Variants in EYS observed in about 807,000 individuals in gnomAD.
EYS encodes EGF-like photoreceptor maintenance factor, also known as protein eyes shut homolog.
In EYS, 250 loss-of-function variants were observed where a neutral mutation model predicts 282.1. The observed-to-expected ratio is 0.89, with a 90% CI of 0.80 to 0.98. The LOEUF (loss-of-function observed/expected upper bound fraction) is 0.98. EYS is among the 50% of genes least tolerant of loss of function. The pLI is 0.00. For synonymous variants in EYS, 1,355 were observed against 1,282.9 expected (o/e 1.06, Z -1.20); for missense variants, 4,016 against 3,709.0 (o/e 1.08, Z -2.15).
intron 35 of EYS, among the ~76,000 whole-genome samples, chr6:63,951,853 G>A (rs769329899): frequency 7.1e-4 from 108 of 152,230 alleles, no homozygotes; most frequent in South Asian, 1.7e-3. Context: ...CCATTTCATG[G>A]CTTGTTTGGT....
intron 37 of EYS, among the ~76,000 whole-genome samples, chr6:63,790,695 T>C (rs1770488460): frequency 6.6e-6 from 1 of 152,140 alleles, no homozygotes. Context: ...AAAACAATAC[T>C]AGAGATTGGA....
At chr6:64,198,232 C>A (rs558027676) in intron 31 of EYS, among the ~76,000 whole-genome samples, 2 of 150,298 alleles carry the variant, frequency 1.3e-5, no homozygotes, top group South Asian at 4.2e-4. Context: ...TGGTCTAGAT[C>A]TCCTGACCTC....
chr6:64,458,651 A>T (rs1264220832), intron 26 of EYS, among the ~76,000 whole-genome samples: 1 of 151,716 alleles, frequency 6.6e-6, no homozygotes, highest in Non-Finnish European at 1.5e-5. Context: ...ATATCTTTCA[A>T]TAGTCTTATT....
chr6:63,731,216 C>G (rs2149635073), intron 41 of EYS, among the ~76,000 whole-genome samples: 1 of 152,228 alleles, frequency 6.6e-6, no homozygotes, highest in Admixed American at 6.5e-5. Flanking sequence ...CTCAAGCACA[C>G]TTGAGATTAT....
intron 5 of EYS, among the ~76,000 whole-genome samples, chr6:65,453,332 T>C (rs1582315341): frequency 6.6e-6 from 1 of 152,056 alleles, no homozygotes; most frequent in Non-Finnish European, 1.5e-5. Flanking sequence ...TCTCAGCTTA[T>C]GTATTTAAAA....
chr6:63,837,452 T>A (rs1771838365), intron 36 of EYS, among the ~76,000 whole-genome samples: 1 of 152,060 alleles, frequency 6.6e-6, no homozygotes, highest in African/African-American at 2.4e-5. Flanking sequence ...GTCCAGAGAG[T>A]GTCCTGAACA....
chr6:65,083,109 CA>C (rs1561956906), intron 12 of EYS, among the ~76,000 whole-genome samples: 1 of 151,794 alleles, frequency 6.6e-6, no homozygotes, highest in Non-Finnish European at 1.5e-5. Flanking sequence ...GAGAAAAAAA[CA>C]AAGTTGGTGA....
chr6:65,352,529 A>T (rs1265801459), intron 9 of EYS, among the ~76,000 whole-genome samples: 1 of 151,974 alleles, frequency 6.6e-6, no homozygotes, highest in Non-Finnish European at 1.5e-5. Context: ...AAACAAAAAC[A>T]TATATGGGAA....
chr6:64,429,240 A>G (rs1450251164), intron 28 of EYS, among the ~76,000 whole-genome samples: 1 of 152,194 alleles, frequency 6.6e-6, no homozygotes, highest in Non-Finnish European at 1.5e-5. Context: ...AAGTAAAATG[A>G]TGGGAAATGT....
chr6:65,629,771 T>C (rs1766848373), intron 2 of EYS, among the ~76,000 whole-genome samples: 1 of 152,162 alleles, frequency 6.6e-6, no homozygotes, highest in South Asian at 2.1e-4. Context: ...TCTTGGTGTA[T>C]TGATTTGTCT....
chr6:65,057,575 A>G, intron 13 of EYS, 39 bp downstream of exon 13: 3 of 1,226,992 alleles, frequency 2.4e-6, no homozygotes, highest in South Asian at 1.3e-5. Context: ...TTTTAAAGTT[A>G]ATTATGTTTG....
intron 33 of EYS, among the ~76,000 whole-genome samples, chr6:64,061,258 A>C (rs1771156974): frequency 6.6e-6 from 1 of 152,232 alleles, no homozygotes; most frequent in African/African-American, 2.4e-5. Context: ...TGTGTAAAAC[A>C]GACACTAAAG....
chr6:63,859,111 T>TTTTTTTTTTTTTTTTTA lies in EYS; in HGVS notation c.7228+5074_7228+5075insTAAAAAAAAAAAAAAAA, dbSNP rs796999871. Among the ~76,000 whole-genome samples, 4 of 71,180 alleles carry TTTTTTTTTTTTTTTTTA rather than the reference T, an allele frequency of 5.6e-5. 2 individuals are homozygous for TTTTTTTTTTTTTTTTTA. The highest frequency in any genetic ancestry group is 2.9e-4 in the Admixed American group (2 of 6,956). 46.7% of individuals were successfully genotyped at this position (71,180 alleles called of 152,430 possible). On this transcript the variant is annotated intron_variant, in intron 36 of 42. Transcript: ENST00000503581. Reference sequence around the variant, plus strand: ...TTTTTTTTTTTTTTTTTTTTTTTTTTAATAGCTGGGATGGAGATGCAGCCT... The same window carrying TTTTTTTTTTTTTTTTTA: ...TTTTTTTTTTTTTTTTTTTTTTTTTTTTTTTTTTTTTTTTTTAAATAGCTGGGATGGAGATGCAGCCT...
chr6:64,090,093 C>A (rs558655221), intron 31 of EYS, among the ~76,000 whole-genome samples: 56 of 152,148 alleles, frequency 3.7e-4, no homozygotes, highest in African/African-American at 1.3e-3. Context: ...TTTAGCACAC[C>A]AACAAGATCT....
intron 15 of EYS, among the ~76,000 whole-genome samples, chr6:64,935,454 G>C (rs2150089581): frequency 6.6e-6 from 1 of 151,656 alleles, no homozygotes; most frequent in Non-Finnish European, 1.5e-5. Context: ...CAAAAGGAAG[G>C]AGAACATAAT....
At chr6:64,278,717 A>ACTCTCTCTCTCTCT (rs113366162) in intron 30 of EYS, among the ~76,000 whole-genome samples, 227 of 142,132 alleles carry the variant, frequency 1.6e-3, no homozygotes, top group African/African-American at 5.6e-3. Flanking sequence ...TCAGCCAAAA[A>ACTCTCTCTCTCTCT]CTCTCTCTCT....
Position 64,325,952 on chromosome 6 carries a change from A to G in EYS, c.6079-18870T>C, listed in dbSNP as rs189176710. ...AGAATAATTGGTATTCCTAAGGAAG[A>G]AGAGAAATCTAAAAGTTTGGAAAAC... On this transcript the variant is annotated intron_variant, in intron 29 of 42. Coordinates refer to ENST00000503581, the MANE Select transcript of EYS (RefSeq NM_001142800.2). 8.5e-5 allele frequency among the ~76,000 whole-genome samples: 13 copies of G among 152,320 alleles called. No homozygotes were observed. In the East Asian group the frequency reaches 2.5e-3, roughly 29 times the overall value.
chr6:64,653,155 T>C (rs77637815), intron 22 of EYS, among the ~76,000 whole-genome samples: 1,665 of 152,140 alleles, frequency 0.011, 37 homozygotes, highest in African/African-American at 0.038. Flanking sequence ...GGGAAGACTA[T>C]CTGGACACAG....
chr6:64,528,370 T>C (rs1301105991), intron 26 of EYS, among the ~76,000 whole-genome samples: 1 of 151,826 alleles, frequency 6.6e-6, no homozygotes, highest in Non-Finnish European at 1.5e-5. Context: ...CATAGTCTCC[T>C]TTATGGCTCT....
Sources: allele counts gnomAD v4.1 joint callset (sites outside exome capture counted in the v4.1 genomes callset), GRCh38; gene constraint gnomAD v4.1.1; transcripts MANE v1.5; gene names NCBI Gene and HGNC (gene_info 2026-07-23, HGNC 2026-07-21).